NKAP: variants seen among roughly 807,000 people sequenced by gnomAD.
The protein encoded by NKAP is NFKB activating protein.
NKAP carries 4 observed loss-of-function variants against 35.6 expected under a neutral mutation model. The ratio of observed to expected loss-of-function variants is 0.11; its 90% confidence interval spans 0.06 to 0.26. The LOEUF is 0.26. Among genes scored for constraint, NKAP ranks in the 10% least tolerant of loss-of-function variants. The probability of loss-of-function intolerance (pLI) is 1.00; values close to 1 mark genes in which losing one functional copy is unlikely to be tolerated. For missense variants in NKAP, 238 were observed against 321.9 expected (o/e 0.74, Z 1.99); for synonymous variants, 106 against 119.2 (o/e 0.89, Z 0.72).
At position 119,938,747 on chromosome X, in the gene NKAP, T is replaced by C. The variant is rs1174946965; in HGVS notation, c.450A>G (p.Pro150=). ...CCACTTACTCTGGTTCAGGATTCTT[T>C]GGAGAAAGTCCCCATACTTCAGGAG... ...LGAPEVWGLS[P]KNPEPDSDEH... Residue 150 remains proline (P), a synonymous_variant, in exon 2 of 9, where the codon CCA becomes CCG. Transcript: ENST00000371410. 1 of 1,194,855 alleles carries C rather than the reference T, an allele frequency of 8.4e-7. No homozygotes were observed. The highest frequency in any genetic ancestry group is 1.9e-5 in the South Asian group (1 of 54,012).
In NKAP at chrX:119,930,176, A is replaced by T. The variant is rs754519765; in HGVS notation, c.924-11T>A. On this transcript the variant is annotated splice_polypyrimidine_tract_variant and intron_variant, in intron 7 of 8. Transcript: ENST00000371410. ...AGAGCATGGCCATAGCTACAAAGTA[A>T]TTCAGAATTCAGAAAAGGTCCATTA... 4 of 1,169,603 alleles carry T rather than the reference A, an allele frequency of 3.4e-6. No individual in the cohort carries two copies. Among genetic ancestry groups the T allele is most frequent in the Non-Finnish European group, 4.6e-6 (4 of 876,722 alleles).
In NKAP at chrX:119,921,443, CTTTTT is replaced by C. The variant is rs1259729458; in HGVS notation, c.*3772_*3776del. The C allele has an allele frequency of 9.2e-6, 1 of 108,261 alleles. No individual in the cohort carries two copies. Among genetic ancestry groups the C allele is most frequent in the Non-Finnish European group, 1.9e-5 (1 of 52,369 alleles). The allele number at this position is 108,261 out of a possible 1,213,427, so 8.9% of individuals were successfully genotyped here. Reference sequence around the variant, plus strand: ...CAATTGATATGGTACTGAAATTTTTCTTTTTTAACTGTTAGATATTTGTGCAATAA... The same window carrying C: ...CAATTGATATGGTACTGAAATTTTTCTAACTGTTAGATATTTGTGCAATAA... On this transcript the variant is annotated 3_prime_UTR_variant, in exon 9 of 9. Transcript: ENST00000371410.
intron 7 of NKAP, among the ~76,000 whole-genome samples, chrX:119,930,616 T>TGA (rs1440354970): frequency 9.1e-6 from 1 of 109,897 alleles, no homozygotes; most frequent in African/African-American, 3.3e-5. Flanking sequence ...ATCAGGAGCT[T>TGA]GAGAGCAGCC....
intron 8 of NKAP, among the ~76,000 whole-genome samples, chrX:119,928,824 G>A (rs1314378361): frequency 8.9e-6 from 1 of 112,020 alleles, no homozygotes; most frequent in Non-Finnish European, 1.9e-5. Context: ...GCCTCCCAAA[G>A]TGCTGGGATT....
At chrX:119,941,139 CAAAA>C (rs774116965) in intron 1 of NKAP, among the ~76,000 whole-genome samples, 1 of 66,506 alleles carries the variant, frequency 1.5e-5, no homozygotes, top group African/African-American at 5.6e-5. Flanking sequence ...GACTCCATCT[CAAAA>C]AAAAAAAAAA....
At chrX:119,932,626 T>C in intron 5 of NKAP, 1 of 111,643 alleles carries the variant, frequency 9.0e-6, no homozygotes, top group African/African-American at 3.3e-5. Flanking sequence ...CTCTTAAGAA[T>C]TTTTTTAAAA....
chrX:119,928,069 T>G (rs946736685), intron 8 of NKAP, among the ~76,000 whole-genome samples: 1 of 112,392 alleles, frequency 8.9e-6, no homozygotes, highest in East Asian at 2.8e-4. Context: ...CATAAACAAC[T>G]GTGTTGTGAT....
Position 119,934,494 on chromosome X carries a change from G to A in NKAP, c.737C>T (p.Ser246Leu), listed in dbSNP as rs771510023. ...KKKEKKKKHRSKKYKKKRSKK... is the reference protein window; with the variant it reads ...KKKEKKKKHRLKKYKKKRSKK... Reference sequence around the variant, plus strand: ...CCATAATAAAACTTAAAAAACTGACGATCTGTGTTTCTTCTTCTTTTCCTT... The same window carrying A: ...CCATAATAAAACTTAAAAAACTGACAATCTGTGTTTCTTCTTCTTTTCCTT... Residue 246 changes from serine to leucine, a missense_variant and splice_region_variant, in exon 5 of 9, where the codon TCG (serine) becomes TTG (leucine). Physicochemically the swap from Ser to Leu is moderately radical, Grantham distance 145. Around this residue, in one of 5 missense-constraint regions of NKAP, gnomAD observed 89 missense variants for 91.7 expected, o/e 0.97. Transcript: ENST00000371410. 1.6e-5 allele frequency: 17 copies of A among 1,031,282 alleles called. No homozygotes were observed. The African/African-American group carries it at 1.8e-4, about 11-fold the overall frequency. 85.0% of individuals were successfully genotyped at this position (1,031,282 alleles called of 1,213,427 possible).
chrX:119,942,050 A>G (rs1284655530), intron 1 of NKAP, among the ~76,000 whole-genome samples: 2 of 112,412 alleles, frequency 1.8e-5, no homozygotes, highest in Non-Finnish European at 3.8e-5. Flanking sequence ...ACGTGCACTT[A>G]TATGTTTAAA....
At chrX:119,936,530 G>A (rs934223451) in intron 3 of NKAP, 82 bp downstream of exon 3, 26 of 971,948 alleles carry the variant, frequency 2.7e-5, no homozygotes, top group Non-Finnish European at 2.3e-5. Context: ...AAAGTCTAAT[G>A]TTCAACTATT....
chrX:119,938,805 A>T lies in NKAP; in HGVS notation c.392T>A (p.Leu131Ter). ...TTCTCCAATTCTCTCTCTCTCACTT[A>T]ATCTCCTAGCAGATAAAGACATGTA... Reference protein sequence around the residue: ...EREESLRQKRLSERERIGELG... With the variant: ...EREESLRQKR The change falls in exon 2 of 9, where the codon TTA (leucine) becomes TAA (stop). Residue 131 changes from leucine to a stop codon, truncating the protein, a stop_gained. Coordinates refer to ENST00000371410, the MANE Select transcript of NKAP (RefSeq NM_024528.4). LOFTEE classifies it high-confidence loss of function. The T allele has an allele frequency of 8.5e-7, 1 of 1,181,977 alleles. No individual in the cohort carries two copies.
chrX:119,942,361 C>A (rs2056797617), intron 1 of NKAP, among the ~76,000 whole-genome samples: 1 of 111,235 alleles, frequency 9.0e-6, no homozygotes, highest in Non-Finnish European at 1.9e-5. Flanking sequence ...ATAGTCCCAG[C>A]TATGAGGGAG....
At chrX:119,934,614 G>C in intron 4 of NKAP, 57 bp from the exon 5 acceptor site, 1 of 788,036 alleles carries the variant, frequency 1.3e-6, no homozygotes, top group East Asian at 3.4e-5. Flanking sequence ...TAAAACCGTA[G>C]TACTTTTGAG....
chrX:119,939,434 G>A (rs1388405880), intron 1 of NKAP, among the ~76,000 whole-genome samples: 1 of 110,714 alleles, frequency 9.0e-6, no homozygotes, highest in Non-Finnish European at 1.9e-5. Context: ...TTACAGGCAT[G>A]CGCCATCACG....
At chrX:119,936,010 A>G (rs1464606384) in intron 4 of NKAP, among the ~76,000 whole-genome samples, 1 of 111,605 alleles carries the variant, frequency 9.0e-6, no homozygotes, top group East Asian at 2.8e-4. Flanking sequence ...CCCAATCCGG[A>G]GTCAGATTGC....
At chrX:119,938,992 G>A (rs951980332) in intron 1 of NKAP, among the ~76,000 whole-genome samples, 182 bp from the exon 2 acceptor site, 1 of 112,150 alleles carries the variant, frequency 8.9e-6, no homozygotes, top group African/African-American at 3.2e-5. Context: ...CTATCAAATG[G>A]TACAGACTAT....
At chrX:119,942,173 G>A (rs2056796640) in intron 1 of NKAP, among the ~76,000 whole-genome samples, 1 of 111,484 alleles carries the variant, frequency 9.0e-6, no homozygotes, top group Non-Finnish European at 1.9e-5. Context: ...AAAGTATAGT[G>A]ATGAAAAGGA....
Position 119,943,540 on chromosome X carries a change from G to C in NKAP, c.66C>G (p.Arg22=), listed in dbSNP as rs1370540113. Residue 22 remains arginine, a synonymous_variant, in exon 1 of 9, where the codon CGC becomes CGG. Transcript: ENST00000371410. ...TGGGCTTCGGACTCTTCGACGAACT[G>C]CGACGTCTTCCCCCCGAGCCCGAGG... The part of the protein sequence containing the change: ...REASGSGGRR[R]SSSKSPKPSK... 8.3e-7 allele frequency: 1 copy of C among 1,207,780 alleles called. No homozygotes were observed. Among genetic ancestry groups the C allele is most frequent in the East Asian group, 3.0e-5 (1 of 33,736 alleles).
chrX:119,932,343 G>A (rs2056745663), intron 5 of NKAP, 127 bp from the exon 6 acceptor site: 1 of 418,819 alleles, frequency 2.4e-6, no homozygotes. Context: ...GCAAAGAAAG[G>A]TGACAATAAA....
Sources: allele counts gnomAD v4.1 joint callset (sites outside exome capture counted in the v4.1 genomes callset), GRCh38; gene constraint gnomAD v4.1.1; regional missense constraint gnomAD v4.1.1; transcripts MANE v1.5; gene names NCBI Gene and HGNC (gene_info 2026-07-23, HGNC 2026-07-21).